KLF8: variants seen among roughly 807,000 people sequenced by gnomAD.
KLF8 encodes the protein KLF transcription factor 8, also known as Krueppel-like factor 8.
Under a neutral mutation model 18.2 loss-of-function variants are expected in KLF8, and 10 were observed. The ratio of observed to expected loss-of-function variants is 0.55; its 90% CI spans 0.34 to 0.93. KLF8 has a LOEUF of 0.93. Ranked by LOEUF, KLF8 falls within the 40% of genes least tolerant of loss-of-function variation. KLF8 has a pLI of 0.02. For missense variants in KLF8, 264 were observed against 277.9 expected (o/e 0.95, Z 0.36); for synonymous variants, 109 against 97.3 (o/e 1.12, Z -0.71).
the KLF8 span, among the ~76,000 whole-genome samples, chrX:55,975,353 G>C: frequency 9.0e-6 from 1 of 111,458 alleles, no homozygotes; most frequent in East Asian, 2.8e-4. Flanking sequence ...GAGGAATTCA[G>C]AAAGGTAAGA....
chrX:56,157,869 T>G, the KLF8 span, among the ~76,000 whole-genome samples: 1 of 111,794 alleles, frequency 8.9e-6, no homozygotes, highest in East Asian at 2.8e-4. Context: ...TAGTTTCTTT[T>G]GCTGTGCAGA....
the KLF8 span, among the ~76,000 whole-genome samples, chrX:56,037,695 A>T: frequency 9.1e-6 from 1 of 109,531 alleles, no homozygotes; most frequent in Non-Finnish European, 1.9e-5. Context: ...GTGTTTACAT[A>T]GTAGGTGTAT....
At chrX:56,054,109 T>G in the KLF8 span, among the ~76,000 whole-genome samples, 1 of 105,537 alleles carries the variant, frequency 9.5e-6, no homozygotes, top group Admixed American at 9.8e-5. Context: ...ATTGAGATCT[T>G]TCTTTTTATT....
the KLF8 span, among the ~76,000 whole-genome samples, chrX:55,932,178 T>G: frequency 1.8e-5 from 2 of 110,624 alleles, no homozygotes; most frequent in African/African-American, 6.6e-5. Context: ...TATCAGAGAC[T>G]AGGATTGCAA....
At chrX:56,217,130 A>C in the KLF8 span, among the ~76,000 whole-genome samples, 1 of 112,163 alleles carries the variant, frequency 8.9e-6, no homozygotes. Flanking sequence ...TTACAGAGTT[A>C]GTGAAAATAT....
At chrX:56,176,984 T>C in the KLF8 span, among the ~76,000 whole-genome samples, 1 of 111,651 alleles carries the variant, frequency 9.0e-6, no homozygotes, top group African/African-American at 3.3e-5. Context: ...CTGCATTGGT[T>C]ATTCTAGGTA....
chrX:55,927,815 G>A, the KLF8 span, among the ~76,000 whole-genome samples: 1 of 111,183 alleles, frequency 9.0e-6, no homozygotes, highest in Non-Finnish European at 1.9e-5. Context: ...TTGATTATGT[G>A]TGTTGTAAAT....
chrX:56,088,703 T>C, the KLF8 span, among the ~76,000 whole-genome samples: 1 of 111,657 alleles, frequency 9.0e-6, no homozygotes, highest in African/African-American at 3.3e-5. Flanking sequence ...AGGGAGCCAT[T>C]CTAACAGATT....
chrX:55,960,952 T>A, the KLF8 span, among the ~76,000 whole-genome samples: 1 of 111,640 alleles, frequency 9.0e-6, no homozygotes, highest in Admixed American at 9.5e-5. Flanking sequence ...CCATCTCATA[T>A]GAAATGACAC....
the KLF8 span, among the ~76,000 whole-genome samples, chrX:56,021,599 T>A: frequency 1.8e-5 from 2 of 110,292 alleles, no homozygotes; most frequent in South Asian, 3.9e-4. Flanking sequence ...TTTTTTTTTT[T>A]ACATAACTCC....
chrX:56,129,753 G>T, the KLF8 span, among the ~76,000 whole-genome samples: 2 of 111,656 alleles, frequency 1.8e-5, no homozygotes, highest in Non-Finnish European at 3.8e-5. Context: ...TTTCTCAGCT[G>T]GCAGGCTGGT....
the KLF8 span, among the ~76,000 whole-genome samples, chrX:55,926,217 C>T: frequency 9.0e-6 from 1 of 111,278 alleles, no homozygotes; most frequent in South Asian, 3.8e-4. Context: ...GACACTGATG[C>T]CCTTTAGGAT....
the KLF8 span, among the ~76,000 whole-genome samples, chrX:56,030,468 G>A: frequency 1.8e-5 from 2 of 111,567 alleles, no homozygotes; most frequent in Non-Finnish European, 3.8e-5. Context: ...GTCAATTAGA[G>A]CTTGAGGCTT....
chrX:56,275,306 C>T (rs968073700), intron 5 of KLF8, among the ~76,000 whole-genome samples: 7 of 111,400 alleles, frequency 6.3e-5, no homozygotes, highest in Non-Finnish European at 7.5e-5. Flanking sequence ...GAATGTTCAT[C>T]TGTTGGCATG....
At chrX:56,109,316 G>C in the KLF8 span, among the ~76,000 whole-genome samples, 1 of 107,928 alleles carries the variant, frequency 9.3e-6, no homozygotes, top group Non-Finnish European at 1.9e-5. Context: ...GATGGTTTGA[G>C]CTAGGGAGAT....
At chrX:55,921,445 T>C in the KLF8 span, among the ~76,000 whole-genome samples, 2 of 112,160 alleles carry the variant, frequency 1.8e-5, no homozygotes, top group African/African-American at 6.5e-5. Context: ...TACTATCGGC[T>C]GTAGTATTGT....
At chrX:56,050,432 GC>G in the KLF8 span, among the ~76,000 whole-genome samples, 1 of 112,076 alleles carries the variant, frequency 8.9e-6, no homozygotes, top group African/African-American at 3.2e-5. Context: ...TCTACACACT[GC>G]TTTGAATGTG....
the KLF8 span, among the ~76,000 whole-genome samples, chrX:56,013,714 G>A: frequency 1.4e-3 from 153 of 111,226 alleles, 1 homozygote; most frequent in African/African-American, 4.6e-3. Context: ...CTAGGCAGTC[G>A]TTCTTCTGCT....
chrX:56,053,484 T>C, the KLF8 span, among the ~76,000 whole-genome samples: 7 of 110,008 alleles, frequency 6.4e-5, 1 homozygote, highest in Admixed American at 6.8e-4. Flanking sequence ...TTTTTTGTTG[T>C]TTACTTGCTA....
Sources: gnomAD v4.1 joint callset for allele counts (sites outside exome capture counted in the v4.1 genomes callset) on GRCh38, gnomAD v4.1.1 for gene constraint, MANE v1.5 for transcripts, NCBI Gene and HGNC (gene_info 2026-07-23, HGNC 2026-07-21) for gene names.